PIWIL2: variants seen among roughly 807,000 people sequenced by gnomAD.
PIWIL2 encodes the protein piwi-like protein 2.
In PIWIL2, 81 loss-of-function variants were observed where a neutral mutation model predicts 116.5. The observed-to-expected ratio is 0.70, with a 90% CI of 0.58 to 0.84. The LOEUF (loss-of-function observed/expected upper bound fraction) is 0.84. PIWIL2 is among the 40% of genes least tolerant of loss of function. The probability of loss-of-function intolerance (pLI) is 0.00; values close to 1 mark genes in which losing one functional copy is unlikely to be tolerated. For synonymous variants in PIWIL2, 489 were observed against 429.5 expected (o/e 1.14, Z -1.71); for missense variants, 1,272 against 1,212.3 (o/e 1.05, Z -0.73).
intron 20 of PIWIL2, among the ~76,000 whole-genome samples, chr8:22,329,345 G>T (rs1413618262): frequency 6.6e-6 from 1 of 152,200 alleles, no homozygotes; most frequent in African/African-American, 2.4e-5. Context: ...TCATGGTTCT[G>T]CAGGCTTTAC....
At position 22,296,020 on chromosome 8, in the gene PIWIL2, C is replaced by CTTTT. The variant is rs67357452; in HGVS notation, c.1181+5709_1181+5712dup. On this transcript the variant is annotated intron_variant, in intron 10 of 22. Transcript: ENST00000356766. ...ACTGTCTTGGGGTTCCTCTTCCCTTCTTTTTTTTTTTTTTTTTTTTTTTTT... is the reference window on the plus strand; with the variant it reads ...ACTGTCTTGGGGTTCCTCTTCCCTTCTTTTTTTTTTTTTTTTTTTTTTTTTTTTT... Among the ~76,000 whole-genome samples, 76 of 102,806 alleles carry CTTTT rather than the reference C, an allele frequency of 7.4e-4. 1 individual carries two copies. The highest frequency in any genetic ancestry group is 1.0e-3 in the Non-Finnish European group (50 of 49,136). 67.4% of individuals were successfully genotyped at this position (102,806 alleles called of 152,430 possible). A position where few individuals can be genotyped will look rare whatever the true frequency, so the allele number is the denominator to read the frequency against.
At chr8:22,313,537 G>A (rs1191442513) in intron 16 of PIWIL2, among the ~76,000 whole-genome samples, 1 of 152,198 alleles carries the variant, frequency 6.6e-6, no homozygotes, top group African/African-American at 2.4e-5. Context: ...GCGCAGCTCT[G>A]TTCTCATGCC....
chr8:22,321,894 C>A (rs568874701), intron 20 of PIWIL2: 1 of 985,234 alleles, frequency 1.0e-6, no homozygotes, highest in East Asian at 1.1e-4. Flanking sequence ...CAGTTGCCGC[C>A]TTACACATTT....
intron 14 of PIWIL2, among the ~76,000 whole-genome samples, chr8:22,309,246 C>T (rs951222858): frequency 6.6e-5 from 10 of 152,230 alleles, no homozygotes; most frequent in African/African-American, 2.4e-4. Context: ...AGGTGTTAGC[C>T]ACCACACCCG....
At chr8:22,290,104 TTAGTTTC>T in intron 9 of PIWIL2, 122 bp from the exon 10 acceptor site, 1 of 710,564 alleles carries the variant, frequency 1.4e-6, no homozygotes, top group Non-Finnish European at 2.4e-6. Flanking sequence ...GTCAATTAAC[TTAGTTTC>T]TTGAGGCTTT....
chr8:22,311,779 G>C (rs1215880777), intron 16 of PIWIL2, among the ~76,000 whole-genome samples: 4 of 152,076 alleles, frequency 2.6e-5, no homozygotes, highest in African/African-American at 9.7e-5. Flanking sequence ...TAGTTATTCA[G>C]GCTTTTCAGT....
At chr8:22,281,072 TG>T in intron 2 of PIWIL2, 47 bp from the exon 3 acceptor site, 1 of 1,119,316 alleles carries the variant, frequency 8.9e-7, no homozygotes, top group Non-Finnish European at 1.3e-6. Flanking sequence ...CCCTTGTTTC[TG>T]GGGTTTTAAA....
chr8:22,296,739 G>A (rs921974113), intron 10 of PIWIL2, among the ~76,000 whole-genome samples: 11 of 152,076 alleles, frequency 7.2e-5, no homozygotes, highest in African/African-American at 2.7e-4. Flanking sequence ...TTTCTTTACT[G>A]TTGTCTTCTG....
intron 20 of PIWIL2, among the ~76,000 whole-genome samples, chr8:22,329,067 T>G (rs1831798185): frequency 6.6e-6 from 1 of 152,126 alleles, no homozygotes; most frequent in African/African-American, 2.4e-5. Flanking sequence ...AAGGTTTCAG[T>G]TTTTCACCAT....
chr8:22,278,178 G>C (rs1051090423), intron 1 of PIWIL2, among the ~76,000 whole-genome samples: 3 of 150,770 alleles, frequency 2.0e-5, no homozygotes, highest in African/African-American at 7.3e-5. Flanking sequence ...AAAAAAAAAA[G>C]GGGGGGAGGA....
chr8:22,344,229 A>G (rs1310469997), intron 20 of PIWIL2, among the ~76,000 whole-genome samples: 1 of 152,186 alleles, frequency 6.6e-6, no homozygotes. Context: ...AGGGGGAGAA[A>G]GGAATAGGTG....
intron 20 of PIWIL2, among the ~76,000 whole-genome samples, chr8:22,318,644 T>TA (rs1831524457): frequency 1.3e-5 from 2 of 152,118 alleles, no homozygotes; most frequent in Admixed American, 1.3e-4. Context: ...AAGGATTACC[T>TA]ATGTGAACAC....
chr8:22,316,354 C>T (rs1563392437), intron 19 of PIWIL2, 21 bp downstream of exon 19: 2 of 1,452,602 alleles, frequency 1.4e-6, no homozygotes, highest in Non-Finnish European at 1.9e-6. Flanking sequence ...CTCACAGTGC[C>T]ATCTTGTTTG....
At chr8:22,349,139 C>T (rs981272194) in intron 20 of PIWIL2, among the ~76,000 whole-genome samples, 1 of 150,664 alleles carries the variant, frequency 6.6e-6, no homozygotes, top group Non-Finnish European at 1.5e-5. Context: ...ACCTCTGCCC[C>T]CCGGGTTCAA....
intron 20 of PIWIL2, among the ~76,000 whole-genome samples, chr8:22,335,428 CA>C (rs1385534146): frequency 0.02 from 1 of 50 alleles, no homozygotes; most frequent in Non-Finnish European, 0.045. Context: ...GTGGTGTGAT[CA>C]TACATAGCTC....
chr8:22,349,153 A>T (rs919805753), intron 20 of PIWIL2, among the ~76,000 whole-genome samples: 6 of 147,394 alleles, frequency 4.1e-5, no homozygotes, highest in Admixed American at 6.9e-5. Flanking sequence ...GGTTCAATGC[A>T]CGCCACCAGG....
chr8:22,312,300 C>T (rs556854382), intron 16 of PIWIL2, among the ~76,000 whole-genome samples: 265 of 151,670 alleles, frequency 1.7e-3, no homozygotes, highest in African/African-American at 6.0e-3. Context: ...GGATTTTACT[C>T]TGTCACCCAT....
chr8:22,296,119 G>A (rs901149177), intron 10 of PIWIL2, among the ~76,000 whole-genome samples: 5 of 146,290 alleles, frequency 3.4e-5, no homozygotes, highest in Non-Finnish European at 6.0e-5. Context: ...GCAGTGGTGC[G>A]ATCTCGGCTC....
At position 22,308,027 on chromosome 8, in the gene PIWIL2, A is replaced by G. The variant is rs780385115; in HGVS notation, c.1640A>G (p.Asn547Ser). ...ATTGCAAAGAACGAGGCAGCCACCA[A>G]TGAACTGATGCGTTGGGGGCTCCGT... is the stretch of plus-strand genomic sequence containing the variant. ...QRIAKNEAATNELMRWGLRLQ... is the reference protein window; with the variant it reads ...QRIAKNEAATSELMRWGLRLQ... Residue 547 changes from asparagine to serine, a missense_variant, in exon 14 of 23, where the codon AAT (asparagine) becomes AGT (serine). By Grantham distance (46) the Asn-to-Ser change is conservative. Transcript: ENST00000356766. 9 of 1,614,034 alleles carry G rather than the reference A, an allele frequency of 5.6e-6. No homozygotes were observed. Among genetic ancestry groups the G allele is most frequent in the Middle Eastern group, 1.6e-4 (1 of 6,062 alleles).
Sources: allele counts gnomAD v4.1 joint callset (sites outside exome capture counted in the v4.1 genomes callset), GRCh38; gene constraint gnomAD v4.1.1; transcripts MANE v1.5; gene names NCBI Gene and HGNC (gene_info 2026-07-23, HGNC 2026-07-21).